The following EIF2B3 variants were observed in gnomAD, a reference collection of about 807,000 sequenced individuals.
EIF2B3 encodes the protein translation initiation factor eIF2B subunit gamma.
EIF2B3 carries 20 observed loss-of-function variants against 54.1 expected under a neutral mutation model. The observed-to-expected ratio is 0.37, with a 90% confidence interval of 0.26 to 0.54. EIF2B3 has a LOEUF of 0.54. Among genes scored for constraint, EIF2B3 ranks in the 20% least tolerant of loss-of-function variants. EIF2B3 has a pLI of 0.86. For synonymous variants in EIF2B3, 153 were observed against 188.1 expected (o/e 0.81, Z 1.52); for missense variants, 448 against 547.8 (o/e 0.82, Z 1.82).
At chr1:44,917,533 T>C (rs1359869003) in intron 5 of EIF2B3, among the ~76,000 whole-genome samples, 1 of 151,666 alleles carries the variant, frequency 6.6e-6, no homozygotes, top group Non-Finnish European at 1.5e-5. Context: ...CAGATTTTAC[T>C]TGATTCAGAA....
At chr1:44,948,094 A>C (rs1644122162) in intron 3 of EIF2B3, among the ~76,000 whole-genome samples, 1 of 152,212 alleles carries the variant, frequency 6.6e-6, no homozygotes. Flanking sequence ...ATTCCAGTCT[A>C]TAGTCCTCAA....
Position 44,970,461 on chromosome 1 carries a change from G to C in EIF2B3, c.294+7854C>G, listed in dbSNP as rs1297901050. ...AGCCAATAAACCTCAAACTTTTAGGGAATGTTCTTATCTTACCTAAAATCT... is the reference window on the plus strand; with the variant it reads ...AGCCAATAAACCTCAAACTTTTAGGCAATGTTCTTATCTTACCTAAAATCT... On this transcript the variant is annotated intron_variant, in intron 3 of 11. Transcript: ENST00000360403. Among the ~76,000 whole-genome samples the C allele has an allele frequency of 9.2e-5, 14 of 152,172 alleles. No homozygotes were observed. The South Asian group carries it at 2.7e-3, about 29-fold the overall frequency.
chr1:44,915,273 C>A (rs1198660097), intron 5 of EIF2B3, among the ~76,000 whole-genome samples: 1 of 151,218 alleles, frequency 6.6e-6, no homozygotes, highest in African/African-American at 2.4e-5. Flanking sequence ...GCACTCCAGT[C>A]TGGGTGACAG....
intron 5 of EIF2B3, among the ~76,000 whole-genome samples, chr1:44,907,116 A>C (rs1643426179): frequency 6.6e-6 from 1 of 152,208 alleles, no homozygotes; most frequent in African/African-American, 2.4e-5. Context: ...CCTAGTTCAA[A>C]TTACCATTAC....
chr1:44,924,226 C>T lies in EIF2B3; in HGVS notation c.566+2402G>A, dbSNP rs545986200. Among the ~76,000 whole-genome samples the T allele has an allele frequency of 1.1e-3, 169 of 152,218 alleles. 1 individual carries two copies. The highest frequency in any genetic ancestry group is 3.9e-3 in the African/African-American group (163 of 41,526). On this transcript the variant is annotated intron_variant, in intron 5 of 11. Coordinates refer to ENST00000360403, the MANE Select transcript of EIF2B3 (RefSeq NM_020365.5). The stretch of plus-strand genomic sequence containing the variant: ...AAGTGCTGGGATTACAGGCGTGAGC[C>T]ACCGCGCCCAGCCAGAGATTCTAAT...
At chr1:44,902,912 G>A (rs925290653) in intron 5 of EIF2B3, among the ~76,000 whole-genome samples, 1 of 149,630 alleles carries the variant, frequency 6.7e-6, no homozygotes, top group Non-Finnish European at 1.5e-5. Flanking sequence ...TAAATTTCGA[G>A]TAGTTCAAGA....
intron 10 of EIF2B3, among the ~76,000 whole-genome samples, chr1:44,859,313 T>A (rs930600293): frequency 4.0e-5 from 6 of 150,620 alleles, no homozygotes; most frequent in Non-Finnish European, 3.0e-5. Flanking sequence ...ACGGAGCATC[T>A]TCTTGGCTCT....
chr1:44,980,527 C>T (rs1644501669), intron 2 of EIF2B3, among the ~76,000 whole-genome samples: 3 of 152,022 alleles, frequency 2.0e-5, no homozygotes, highest in African/African-American at 4.8e-5. Flanking sequence ...TACTTAATGG[C>T]ATAACTATCT....
chr1:44,928,560 G>A (rs1166243440), intron 4 of EIF2B3, among the ~76,000 whole-genome samples: 1 of 149,102 alleles, frequency 6.7e-6, no homozygotes, highest in Non-Finnish European at 1.5e-5. Flanking sequence ...TTCTTACTGT[G>A]AAAATGGGAA....
In EIF2B3 at chr1:44,934,749, C is replaced by A. The variant is rs1039490144; in HGVS notation, c.454+6757G>T. Among the ~76,000 whole-genome samples the A allele has an allele frequency of 1.5e-4, 23 of 152,286 alleles. No individual in the cohort carries two copies. In the South Asian group the frequency reaches 1.9e-3, roughly 12 times the overall value. Reference sequence around the variant, plus strand: ...TGAATTCCTGACCTCAGGTGATCCACCCACCTCAGCCTCCCAAAGTGCTGG... The same window carrying A: ...TGAATTCCTGACCTCAGGTGATCCAACCACCTCAGCCTCCCAAAGTGCTGG... On this transcript the variant is annotated intron_variant, in intron 4 of 11. Transcript: ENST00000360403.
At chr1:44,910,788 C>T (rs1347583319) in intron 5 of EIF2B3, among the ~76,000 whole-genome samples, 2 of 151,934 alleles carry the variant, frequency 1.3e-5, no homozygotes, top group African/African-American at 4.8e-5. Context: ...GCCTCTCTCT[C>T]AGAAAGAGAA....
At chr1:44,923,693 G>C (rs184274087) in intron 5 of EIF2B3, among the ~76,000 whole-genome samples, 1 of 152,008 alleles carries the variant, frequency 6.6e-6, no homozygotes, top group Non-Finnish European at 1.5e-5. Context: ...CTAATTCAGA[G>C]GCATTAATTC....
At chr1:44,975,397 A>G (rs1644442937) in intron 3 of EIF2B3, among the ~76,000 whole-genome samples, 1 of 152,128 alleles carries the variant, frequency 6.6e-6, no homozygotes, top group South Asian at 2.1e-4. Flanking sequence ...GAATGTACTT[A>G]CTCAAACCTA....
chr1:44,955,680 C>A (rs1644215957), intron 3 of EIF2B3, among the ~76,000 whole-genome samples: 1 of 151,524 alleles, frequency 6.6e-6, no homozygotes, highest in African/African-American at 2.4e-5. Flanking sequence ...AAAAAAAAAC[C>A]CCATCAAAAA....
At chr1:44,982,883 C>T (rs1216527322) in intron 1 of EIF2B3, among the ~76,000 whole-genome samples, 1 of 152,182 alleles carries the variant, frequency 6.6e-6, no homozygotes, top group African/African-American at 2.4e-5. Flanking sequence ...CTGCCTCAGC[C>T]TCCCAAAGAG....
intron 10 of EIF2B3, among the ~76,000 whole-genome samples, chr1:44,859,649 ACTCTAT>A (rs1243744770): frequency 6.6e-6 from 1 of 151,868 alleles, no homozygotes; most frequent in Non-Finnish European, 1.5e-5. Context: ...CAAGAGCAAA[ACTCTAT>A]CTCCAAAAAA....
chr1:44,865,215 T>TAAAAAAAAAAA (rs1654730419), intron 10 of EIF2B3, among the ~76,000 whole-genome samples: 1 of 106,780 alleles, frequency 9.4e-6, no homozygotes, highest in Non-Finnish European at 2.1e-5. Context: ...AGACTCCATC[T>TAAAAAAAAAAA]TAAAAAAAAA....
chr1:44,939,450 G>C (rs1371361674), intron 4 of EIF2B3, among the ~76,000 whole-genome samples: 1 of 152,166 alleles, frequency 6.6e-6, no homozygotes, highest in Admixed American at 6.5e-5. Flanking sequence ...ATTTAAAATA[G>C]AATTATGTTG....
intron 3 of EIF2B3, among the ~76,000 whole-genome samples, chr1:44,962,684 G>T (rs1400674219): frequency 6.6e-6 from 1 of 152,080 alleles, no homozygotes. Context: ...CAAAGTGCTG[G>T]GATTACAGGT....
Sources: allele counts gnomAD v4.1 joint callset (sites outside exome capture counted in the v4.1 genomes callset), GRCh38; gene constraint gnomAD v4.1.1; transcripts MANE v1.5; gene names NCBI Gene and HGNC (gene_info 2026-07-23, HGNC 2026-07-21).